EDN3: variants seen among roughly 807,000 people sequenced by gnomAD.
The protein encoded by EDN3 is endothelin 3.
EDN3 carries 9 observed loss-of-function variants against 21.4 expected under a neutral mutation model. The ratio of observed to expected loss-of-function variants is 0.42; its 90% CI spans 0.25 to 0.73. The LOEUF (loss-of-function observed/expected upper bound fraction) is 0.73, where lower values mean the gene tolerates loss of function less well. EDN3 is among the 30% of genes least tolerant of loss of function. The pLI is 0.26. For missense variants in EDN3, 327 were observed against 309.4 expected (o/e 1.06, Z -0.43); for synonymous variants, 133 against 126.2 (o/e 1.05, Z -0.36).
At chr20:59,310,509 G>A (rs1272456777) in intron 2 of EDN3, among the ~76,000 whole-genome samples, 4 of 152,142 alleles carry the variant, frequency 2.6e-5, no homozygotes, top group Non-Finnish European at 5.9e-5. Context: ...ACAGGATGAG[G>A]CATCAGCTCT....
intron 2 of EDN3, among the ~76,000 whole-genome samples, chr20:59,316,814 A>G (rs1370664550): frequency 6.6e-6 from 1 of 152,234 alleles, no homozygotes; most frequent in Non-Finnish European, 1.5e-5. Flanking sequence ...CTGAATACAT[A>G]AGTTGAGTGA....
At chr20:59,302,400 A>G (rs938699609) in intron 2 of EDN3, among the ~76,000 whole-genome samples, 12 of 152,050 alleles carry the variant, frequency 7.9e-5, no homozygotes, top group African/African-American at 2.7e-4. Flanking sequence ...CTCTTACCCT[A>G]GGGCCTAGAC....
chr20:59,303,788 C>G (rs562315658), intron 2 of EDN3, among the ~76,000 whole-genome samples: 2 of 152,264 alleles, frequency 1.3e-5, no homozygotes, highest in South Asian at 4.1e-4. Flanking sequence ...CTGACTTTTT[C>G]CAGGACAGCC....
chr20:59,310,390 C>T (rs1420093910), intron 2 of EDN3, among the ~76,000 whole-genome samples: 1 of 152,202 alleles, frequency 6.6e-6, no homozygotes, highest in Non-Finnish European at 1.5e-5. Context: ...AAATAAATTG[C>T]AGAGCATGGC....
Position 59,322,577 on chromosome 20 carries a change from T to A in EDN3, c.588+160T>A. On this transcript the variant is annotated intron_variant, in intron 4 of 4. Transcript: ENST00000337938. This position sits in a 1 kb window ranked among gnomAD's most constrained non-coding sequence, Gnocchi z 4.1. Reference sequence around the variant, plus strand: ...GCTGCACCCACAAGCAATGGTGCCTTTGGTGGACCGTTTCTGGGGGCAGAG... The same window carrying A: ...GCTGCACCCACAAGCAATGGTGCCTATGGTGGACCGTTTCTGGGGGCAGAG... 1 of 991,964 alleles carries A rather than the reference T, an allele frequency of 1.0e-6. No individual in the cohort carries two copies. The highest frequency in any genetic ancestry group is 1.6e-6 in the Non-Finnish European group (1 of 637,780). 61.4% of individuals were successfully genotyped at this position (991,964 alleles called of 1,614,324 possible). A position where few individuals can be genotyped will look rare whatever the true frequency, so the allele number is the denominator to read the frequency against.
At chr20:59,311,900 G>A (rs190384761) in intron 2 of EDN3, among the ~76,000 whole-genome samples, 3 of 152,220 alleles carry the variant, frequency 2.0e-5, no homozygotes, top group Admixed American at 6.5e-5. Context: ...GTATCTTTAC[G>A]GTCATTGTGA....
chr20:59,310,572 A>G (rs1477516179), intron 2 of EDN3, among the ~76,000 whole-genome samples: 1 of 151,876 alleles, frequency 6.6e-6, no homozygotes, highest in Non-Finnish European at 1.5e-5. Context: ...GCTTTGGGAG[A>G]CCTTGGGGAC....
At chr20:59,310,842 C>T (rs775415810) in intron 2 of EDN3, among the ~76,000 whole-genome samples, 2 of 152,000 alleles carry the variant, frequency 1.3e-5, no homozygotes, top group East Asian at 1.9e-4. Context: ...ATTGCTTTGC[C>T]GAGAGTCAGA....
chr20:59,324,488 G>C lies in EDN3; in HGVS notation c.*29G>C, dbSNP rs368688196. 6.2e-7 allele frequency: 1 copy of C among 1,613,634 alleles called. No individual in the cohort carries two copies. The highest frequency in any genetic ancestry group is 8.5e-7 in the Non-Finnish European group (1 of 1,179,954). ...GACAGGCCTGCAGCATCCTGGTCTC[G>C]GGAGGCTTCTGTCATTGCTCACACA... On this transcript the variant is annotated 3_prime_UTR_variant, in exon 5 of 5. Transcript: ENST00000337938.
At chr20:59,301,356 GT>G in intron 1 of EDN3, 53 bp from the exon 2 acceptor site, 1 of 1,587,044 alleles carries the variant, frequency 6.3e-7, no homozygotes, top group South Asian at 1.1e-5. Flanking sequence ...GGGGTGGCGG[GT>G]GTTGAGGGGT....
Position 59,301,397 on chromosome 20 carries a change from C to T in EDN3, c.53-13C>T. On this transcript the variant is annotated splice_polypyrimidine_tract_variant and intron_variant, in intron 1 of 4. Coordinates refer to ENST00000337938, the MANE Select transcript of EDN3 (RefSeq NM_207034.3). ...ACACTCAGCTTAGGAGCCCCTCAAT[C>T]TGCCTTCTGCAGGATTCGTGCCTTG... is the stretch of plus-strand genomic sequence containing the variant. The T allele has an allele frequency of 6.2e-7, 1 of 1,606,676 alleles. No individual in the cohort carries two copies. Among genetic ancestry groups the T allele is most frequent in the East Asian group, 2.2e-5 (1 of 44,860 alleles).
chr20:59,300,786 C>G lies in EDN3; in HGVS notation c.-27C>G. 1.2e-6 allele frequency: 2 copies of G among 1,604,312 alleles called. No individual in the cohort carries two copies. Among genetic ancestry groups the G allele is most frequent in the African/African-American group, 2.7e-5 (2 of 74,784 alleles). On this transcript the variant is annotated 5_prime_UTR_variant, in exon 1 of 5. Coordinates refer to ENST00000337938, the MANE Select transcript of EDN3 (RefSeq NM_207034.3). ...GCCACAAGCGGCCGTCCTCCTGGTC[C>G]GGTGCTCCGGCGCCTGATCTAGGTT...
chr20:59,309,656 C>G (rs1989662706), intron 2 of EDN3, among the ~76,000 whole-genome samples: 1 of 152,124 alleles, frequency 6.6e-6, no homozygotes, highest in African/African-American at 2.4e-5. Flanking sequence ...AATTAGCACA[C>G]TTTTGGGTAC....
In EDN3 at chr20:59,325,584, A is replaced by T. The variant is rs920733019; in HGVS notation, c.*1125A>T. On this transcript the variant is annotated 3_prime_UTR_variant, in exon 5 of 5. Coordinates refer to ENST00000337938, the MANE Select transcript of EDN3 (RefSeq NM_207034.3). ...CATTTAAGATGGTGTATGACAGAGCATTGGCCTTGACCAAATGTTAAATCC... is the reference window on the plus strand; with the variant it reads ...CATTTAAGATGGTGTATGACAGAGCTTTGGCCTTGACCAAATGTTAAATCC... 5.3e-5 allele frequency: 8 copies of T among 152,254 alleles called. No homozygotes were observed. Among genetic ancestry groups the T allele is most frequent in the African/African-American group, 1.9e-4 (8 of 41,468 alleles). 9.4% of individuals were successfully genotyped at this position (152,254 alleles called of 1,614,324 possible). A position where few individuals can be genotyped will look rare whatever the true frequency, so the allele number is the denominator to read the frequency against.
chr20:59,303,385 C>T lies in EDN3; in HGVS notation c.365+1663C>T, dbSNP rs201579508. On this transcript the variant is annotated intron_variant, in intron 2 of 4. Coordinates refer to ENST00000337938, the MANE Select transcript of EDN3 (RefSeq NM_207034.3). ...TGTAGCCCCTGCACCTTGGCACTGCCCTTTCTGATTCTTATCCTGCATCAT... is the reference window on the plus strand; with the variant it reads ...TGTAGCCCCTGCACCTTGGCACTGCTCTTTCTGATTCTTATCCTGCATCAT... Among the ~76,000 whole-genome samples, 16 of 152,272 alleles carry T rather than the reference C, an allele frequency of 1.1e-4. No individual in the cohort carries two copies. The East Asian group carries it at 2.9e-3, about 28-fold the overall frequency.
chr20:59,311,143 T>C (rs1989777693), intron 2 of EDN3, among the ~76,000 whole-genome samples: 1 of 152,174 alleles, frequency 6.6e-6, no homozygotes, highest in Non-Finnish European at 1.5e-5. Context: ...TGCCTCACCC[T>C]AATCCCAGCC....
chr20:59,308,291 C>G (rs1247494802), intron 2 of EDN3, among the ~76,000 whole-genome samples: 1 of 152,224 alleles, frequency 6.6e-6, no homozygotes, highest in Non-Finnish European at 1.5e-5. Context: ...GGCTGCTGCT[C>G]TGTGCCTTGT....
intron 2 of EDN3, among the ~76,000 whole-genome samples, chr20:59,304,065 GCCCT>G (rs1989231405): frequency 6.7e-6 from 1 of 150,308 alleles, no homozygotes; most frequent in African/African-American, 2.5e-5. Flanking sequence ...ACTTCCTCCT[GCCCT>G]CCCTCCCTCT....
At chr20:59,311,612 A>C (rs1430872662) in intron 2 of EDN3, among the ~76,000 whole-genome samples, 1 of 150,894 alleles carries the variant, frequency 6.6e-6, no homozygotes, top group Non-Finnish European at 1.5e-5. Flanking sequence ...GGACAACAGA[A>C]GGTCACTTGG....
Sources: allele counts gnomAD v4.1 joint callset (sites outside exome capture counted in the v4.1 genomes callset), GRCh38; gene constraint gnomAD v4.1.1; non-coding constraint Gnocchi (gnomAD v3.1); transcripts MANE v1.5; gene names NCBI Gene and HGNC (gene_info 2026-07-23, HGNC 2026-07-21).